IYD: variants seen among roughly 807,000 people sequenced by gnomAD.
IYD encodes iodotyrosine deiodinase 1.
Under a neutral mutation model 28.4 loss-of-function variants are expected in IYD, and 25 were observed. That is an observed-to-expected ratio of 0.88 (90% confidence interval 0.64 to 1.23). The LOEUF (loss-of-function observed/expected upper bound fraction) is 1.23, where lower values mean the gene tolerates loss of function less well. Ranked by LOEUF, IYD falls within the 50% of genes most tolerant of loss-of-function variation. The pLI, the probability that IYD is intolerant of heterozygous loss-of-function variation, is 0.00. For synonymous variants in IYD, 140 were observed against 130.8 expected (o/e 1.07, Z -0.48); for missense variants, 352 against 357.9 (o/e 0.98, Z 0.13).
At chr6:150,372,662 A>G (rs1400072546) in intron 1 of IYD, among the ~76,000 whole-genome samples, 2 of 69,740 alleles carry the variant, frequency 2.9e-5, no homozygotes, top group Non-Finnish European at 5.4e-5. Context: ...GTGAGGGAAC[A>G]TTGTGTGTCC....
intron 1 of IYD, among the ~76,000 whole-genome samples, chr6:150,373,539 A>G (rs185519771): frequency 2.0e-5 from 3 of 152,350 alleles, no homozygotes; most frequent in African/African-American, 7.2e-5. Context: ...CCAACCAAGT[A>G]GCATACTAGG....
rs935293958 is a variant in IYD, at chr6:150,403,486, A to G, written c.*5249A>G. ...TTTTAGAGAGGGTGAATAGCAGAGA[A>G]CTGGAGGTGGGAATGGTAAGGAACT... On this transcript the variant is annotated 3_prime_UTR_variant, in exon 5 of 5. Coordinates refer to ENST00000344419, the MANE Select transcript of IYD (RefSeq NM_203395.3). 1 of 152,226 alleles carries G rather than the reference A, an allele frequency of 6.6e-6. No individual in the cohort carries two copies. The highest frequency in any genetic ancestry group is 1.5e-5 in the Non-Finnish European group (1 of 68,068). 9.4% of individuals were successfully genotyped at this position (152,226 alleles called of 1,614,324 possible).
intron 1 of IYD, among the ~76,000 whole-genome samples, chr6:150,375,388 G>A (rs1777410066): frequency 6.6e-6 from 1 of 152,144 alleles, no homozygotes; most frequent in African/African-American, 2.4e-5. Flanking sequence ...CATTATGGGA[G>A]TCTTCAAACT....
At position 150,394,247 on chromosome 6, in the gene IYD, G is replaced by T. The variant is rs775517691; in HGVS notation, c.679G>T (p.Ala227Ser). 1.5e-5 allele frequency: 25 copies of T among 1,614,132 alleles called. No individual in the cohort carries two copies. Among genetic ancestry groups the T allele is most frequent in the East Asian group, 1.3e-4 (6 of 44,876 alleles). The change falls in exon 4 of 5, where the codon GCC becomes TCC. Residue 227 changes from alanine to serine, a missense_variant. Physicochemically the swap from Ala to Ser is moderately conservative, Grantham distance 99. Coordinates refer to ENST00000344419, the MANE Select transcript of IYD (RefSeq NM_203395.3). ...VSIACGILLA[A>S]LQNAGLVTVT... ...CATCGCTTGTGGCATCCTGCTAGCT[G>T]CCCTGCAGGTATGTTGAGACATCAA...
chr6:150,390,078 G>GA (rs778037036), intron 2 of IYD, among the ~76,000 whole-genome samples: 4 of 151,754 alleles, frequency 2.6e-5, no homozygotes, highest in Admixed American at 6.6e-5. Context: ...TTCCACTGAG[G>GA]AAAAAAAATC....
At chr6:150,372,151 G>C (rs1777266619) in intron 1 of IYD, among the ~76,000 whole-genome samples, 1 of 152,194 alleles carries the variant, frequency 6.6e-6, no homozygotes, top group African/African-American at 2.4e-5. Context: ...GGCCATTCTA[G>C]CATGAGTTAA....
chr6:150,387,886 A>T (rs1777937873), intron 1 of IYD, among the ~76,000 whole-genome samples: 1 of 151,058 alleles, frequency 6.6e-6, no homozygotes, highest in Admixed American at 6.6e-5. Context: ...TGTACCCTAC[A>T]GATTTATATA....
intron 2 of IYD, 92 bp from the exon 3 acceptor site, chr6:150,392,253 G>A: frequency 3.1e-6 from 5 of 1,600,198 alleles, no homozygotes; most frequent in Non-Finnish European, 4.2e-6. Context: ...GCCTCCCAAA[G>A]TGCTTGGACT....
intron 1 of IYD, among the ~76,000 whole-genome samples, chr6:150,382,018 G>C (rs1205553082): frequency 6.6e-6 from 1 of 152,156 alleles, no homozygotes; most frequent in Non-Finnish European, 1.5e-5. Flanking sequence ...GGTGTGAAGG[G>C]CCTGATGATG....
Position 150,389,460 on chromosome 6 carries a change from T to C in IYD, c.287T>C (p.Leu96Pro). 2 of 1,613,860 alleles carry C rather than the reference T, an allele frequency of 1.2e-6. No individual in the cohort carries two copies. Among genetic ancestry groups the C allele is most frequent in the Non-Finnish European group, 8.5e-7 (1 of 1,179,754 alleles). Residue 96 changes from leucine to proline, a missense_variant, in exon 2 of 5, where the codon CTT (leucine) becomes CCT (proline). Physicochemically the swap from Leu to Pro is moderately conservative, Grantham distance 98. Transcript: ENST00000344419. ...AAGAGGTCTCAGGAATTTTATGAACTTCTCAATAAGAGACGGTCAGTCAGG... is the reference window on the plus strand; with the variant it reads ...AAGAGGTCTCAGGAATTTTATGAACCTCTCAATAAGAGACGGTCAGTCAGG... ...MVKRSQEFYE[L>P]LNKRRSVRFI...
At chr6:150,381,399 T>C (rs1777640825) in intron 1 of IYD, among the ~76,000 whole-genome samples, 1 of 152,208 alleles carries the variant, frequency 6.6e-6, no homozygotes, top group South Asian at 2.1e-4. Flanking sequence ...TTCTGAACAG[T>C]TGACTTATTC....
rs1778596268 is a variant in IYD at position 150,404,544 on chromosome 6, G to A, written c.*6307G>A. ...TCTTGTCATATCAATGATTTGAAGT[G>A]CTAAAATAGAAAATTAAATATGATA... On this transcript the variant is annotated 3_prime_UTR_variant, in exon 5 of 5. Transcript: ENST00000344419. 6.6e-6 allele frequency: 1 copy of A among 152,150 alleles called. No homozygotes were observed. Among genetic ancestry groups the A allele is most frequent in the African/African-American group, 2.4e-5 (1 of 41,436 alleles). The allele number at this position is 152,150 out of a possible 1,614,324, so 9.4% of individuals were successfully genotyped here.
In IYD at chr6:150,405,336, C is replaced by A. The variant is rs1205967981; in HGVS notation, c.*7099C>A. 7 of 152,178 alleles carry A rather than the reference C, an allele frequency of 4.6e-5. No individual in the cohort carries two copies. The allele number at this position is 152,178 out of a possible 1,614,324, so 9.4% of individuals were successfully genotyped here. A position where few individuals can be genotyped will look rare whatever the true frequency, so the allele number is the denominator to read the frequency against. On this transcript the variant is annotated 3_prime_UTR_variant, in exon 5 of 5. Transcript: ENST00000344419. ...TAGTAGGCACCACAACCTTTTAATG[C>A]TCAAAATACTACTTTTGAGTCCTTT... is the stretch of plus-strand genomic sequence containing the variant.
chr6:150,369,051 T>A lies in IYD; in HGVS notation c.20T>A (p.Ile7Asn). MYFLTP[I>N]LVAILCILVV... ...CAGACCATGTATTTCCTGACTCCCATCTTGGTAGCCATTCTCTGCATTTTG... is the reference window on the plus strand; with the variant it reads ...CAGACCATGTATTTCCTGACTCCCAACTTGGTAGCCATTCTCTGCATTTTG... Residue 7 changes from isoleucine to asparagine, a missense_variant, in exon 1 of 5, where the codon ATC becomes AAC. Coordinates refer to ENST00000344419, the MANE Select transcript of IYD (RefSeq NM_203395.3). 1 of 1,614,002 alleles carries A rather than the reference T, an allele frequency of 6.2e-7. No homozygotes were observed. The highest frequency in any genetic ancestry group is 8.5e-7 in the Non-Finnish European group (1 of 1,179,958).
rs1562307712 is a variant in IYD, at chr6:150,370,557, A to C, written c.178+1348A>C. On this transcript the variant is annotated intron_variant, in intron 1 of 4. Transcript: ENST00000344419. ...CCGTACAGGAGTCTAGCCTCTCAGC[A>C]GGGCTGCCTCTTGCTCTCCTACATT... 2.5e-5 allele frequency: 25 copies of C among 985,274 alleles called. No homozygotes were observed. The South Asian group carries it at 1.1e-3, about 43-fold the overall frequency. The allele number at this position is 985,274 out of a possible 1,614,324, so 61.0% of individuals were successfully genotyped here.
At position 150,388,775 on chromosome 6, in the gene IYD, CACTGCA is replaced by C. The variant is rs1562317859; in HGVS notation, c.179-573_179-568del. 6.1e-5 allele frequency among the ~76,000 whole-genome samples: 9 copies of C among 148,054 alleles called. No individual in the cohort carries two copies. The South Asian group carries it at 1.9e-3, about 32-fold the overall frequency. On this transcript the variant is annotated intron_variant, in intron 1 of 4. Coordinates refer to ENST00000344419, the MANE Select transcript of IYD (RefSeq NM_203395.3). ...GGAGTGCAGTGGTGCAATCTCGGCTCACTGCAACTTCTGCCTCCCAGGTTCAAGCGA... is the reference window on the plus strand; with the variant it reads ...GGAGTGCAGTGGTGCAATCTCGGCTCACTTCTGCCTCCCAGGTTCAAGCGA...
Position 150,398,480 on chromosome 6 carries a change from T to C in IYD, c.*243T>C. ...ACACTTTACAAAGAACATGCCCGGG[T>C]TTTTACATTTTAAAAGTTATTCTAG... On this transcript the variant is annotated 3_prime_UTR_variant, in exon 5 of 5. Transcript: ENST00000344419. 1 of 493,896 alleles carries C rather than the reference T, an allele frequency of 2.0e-6. No homozygotes were observed. The highest frequency in any genetic ancestry group is 3.6e-6 in the Non-Finnish European group (1 of 278,788). The allele number at this position is 493,896 out of a possible 1,614,324, so 30.6% of individuals were successfully genotyped here.
At chr6:150,394,913 T>TG (rs1778254817) in intron 4 of IYD, among the ~76,000 whole-genome samples, 2 of 152,324 alleles carry the variant, frequency 1.3e-5, no homozygotes, top group South Asian at 4.1e-4. Context: ...ACTGCAGCCT[T>TG]GACCCCCGGG....
rs1562321305 is a variant in IYD at position 150,394,209 on chromosome 6, A to C, written c.641A>C (p.Glu214Ala). Residue 214 changes from glutamate (E) to alanine (A), a missense_variant, in exon 4 of 5, where the codon GAG (glutamate) becomes GCG (alanine). Glu to Ala is a moderately radical substitution (Grantham distance 107, BLOSUM62 -1). Transcript: ENST00000344419. ...NGKKKVHYYN[E>A]ISVSIACGIL... ...AAGAAAAAAGTCCACTACTACAATGAGATCAGTGTTTCCATCGCTTGTGGC... is the reference window on the plus strand; with the variant it reads ...AAGAAAAAAGTCCACTACTACAATGCGATCAGTGTTTCCATCGCTTGTGGC... 3.7e-6 allele frequency: 6 copies of C among 1,614,202 alleles called. No individual in the cohort carries two copies. The highest frequency in any genetic ancestry group is 5.1e-6 in the Non-Finnish European group (6 of 1,180,032).
Sources: allele counts gnomAD v4.1 joint callset (sites outside exome capture counted in the v4.1 genomes callset), GRCh38; gene constraint gnomAD v4.1.1; transcripts MANE v1.5; gene names NCBI Gene and HGNC (gene_info 2026-07-23, HGNC 2026-07-21).